Variants in SIK3 observed in about 807,000 individuals in gnomAD.
The protein encoded by SIK3 is SIK family kinase 3.
In SIK3, 28 loss-of-function variants were observed where a neutral mutation model predicts 144.2. The ratio of observed to expected loss-of-function variants is 0.19; its 90% CI spans 0.14 to 0.27. The LOEUF is 0.27. SIK3 is among the 10% of genes least tolerant of loss of function. The pLI is 1.00. For synonymous variants in SIK3, 686 were observed against 676.3 expected, an observed-to-expected ratio of 1.01 and a Z score of -0.22; for missense variants, 1,319 against 1,776.0, an observed-to-expected ratio of 0.74 and a Z score of 4.62.
rs1329853347 is a variant in SIK3 at position 116,861,820 on chromosome 11, AC to A, written c.2315+20del. On this transcript the variant is annotated intron_variant, in intron 18 of 24. Coordinates refer to ENST00000445177, the MANE Select transcript of SIK3 (RefSeq NM_001366686.3). ...AGGCTATCGAGACAATGGCTTAGGC[AC>A]AACACAAAATGACTCATACCTCTGG... 1 of 1,557,870 alleles carries A rather than the reference AC, an allele frequency of 6.4e-7. No homozygotes were observed. The highest frequency in any genetic ancestry group is 2.2e-5 in the East Asian group (1 of 44,572).
At chr11:116,883,697 C>T (rs1184788069) in intron 6 of SIK3, among the ~76,000 whole-genome samples, 1 of 152,124 alleles carries the variant, frequency 6.6e-6, no homozygotes, top group Non-Finnish European at 1.5e-5. Flanking sequence ...ACTCTGGGAG[C>T]CCGAGACAGG....
chr11:117,015,674 A>C (rs1565558447), intron 1 of SIK3, among the ~76,000 whole-genome samples: 2 of 152,038 alleles, frequency 1.3e-5, no homozygotes, highest in Non-Finnish European at 2.9e-5. Flanking sequence ...TCCTGGGTTC[A>C]AGTGATTCTC....
chr11:116,964,678 C>T (rs774746339), intron 1 of SIK3, among the ~76,000 whole-genome samples: 3 of 152,110 alleles, frequency 2.0e-5, no homozygotes, highest in African/African-American at 7.2e-5. Context: ...GTCAGGAGCT[C>T]GAGACCAGCC....
At chr11:117,034,658 C>A (rs1229192649) in intron 1 of SIK3, among the ~76,000 whole-genome samples, 1 of 152,104 alleles carries the variant, frequency 6.6e-6, no homozygotes, top group African/African-American at 2.4e-5. Flanking sequence ...CACAGACAAG[C>A]AAGAGATGTT....
chr11:116,983,764 C>G (rs576224702), intron 1 of SIK3, among the ~76,000 whole-genome samples: 2 of 152,108 alleles, frequency 1.3e-5, no homozygotes, highest in East Asian at 1.9e-4. Flanking sequence ...TGGTCTAGAA[C>G]TGAACCACAA....
intron 6 of SIK3, among the ~76,000 whole-genome samples, chr11:116,881,771 T>C (rs532867477): frequency 2.0e-5 from 3 of 152,204 alleles, no homozygotes; most frequent in African/African-American, 7.2e-5. Flanking sequence ...CATTCAACAA[T>C]ATTATTTAAT....
At chr11:117,068,688 A>C (rs894581242) in intron 1 of SIK3, among the ~76,000 whole-genome samples, 2 of 152,206 alleles carry the variant, frequency 1.3e-5, no homozygotes, top group African/African-American at 4.8e-5. Flanking sequence ...CAAGCGGTTG[A>C]GGCCACAGTG....
At chr11:116,956,324 C>G (rs1404051573) in intron 2 of SIK3, among the ~76,000 whole-genome samples, 1 of 147,806 alleles carries the variant, frequency 6.8e-6, no homozygotes, top group Non-Finnish European at 1.5e-5. Flanking sequence ...ATGCATGTTT[C>G]TTGGGAAGAC....
intron 1 of SIK3, among the ~76,000 whole-genome samples, chr11:117,094,194 C>A (rs769913422): frequency 3.9e-5 from 6 of 152,124 alleles, no homozygotes; most frequent in Non-Finnish European, 8.8e-5. Context: ...GTTGCTTTAT[C>A]CAAAGCTGGA....
At chr11:117,097,537 G>A (rs1955529163) in intron 1 of SIK3, among the ~76,000 whole-genome samples, 1 of 145,448 alleles carries the variant, frequency 6.9e-6, no homozygotes, top group African/African-American at 2.6e-5. Flanking sequence ...TCCACTAATC[G>A]TGTCTCCTCG....
chr11:117,020,100 C>T (rs1012790195), intron 1 of SIK3, among the ~76,000 whole-genome samples: 12 of 151,838 alleles, frequency 7.9e-5, no homozygotes, highest in African/African-American at 2.7e-4. Context: ...CGGGGTTTGA[C>T]GAATGAGCCA....
intron 1 of SIK3, among the ~76,000 whole-genome samples, chr11:117,074,124 A>G (rs1225437218): frequency 6.6e-6 from 1 of 151,996 alleles, no homozygotes; most frequent in Non-Finnish European, 1.5e-5. Flanking sequence ...CAGAACTACC[A>G]CTCTTTGGCT....
At chr11:116,947,100 G>A (rs1948631633) in intron 3 of SIK3, among the ~76,000 whole-genome samples, 1 of 14,770 alleles carries the variant, frequency 6.8e-5, no homozygotes, top group Non-Finnish European at 1.8e-4. Context: ...CACAGAGTGA[G>A]ACTTCGTCTC....
At chr11:116,866,398 TA>T (rs1331255091) in intron 15 of SIK3, among the ~76,000 whole-genome samples, 1 of 151,196 alleles carries the variant, frequency 6.6e-6, no homozygotes, top group Non-Finnish European at 1.5e-5. Flanking sequence ...AGGAAACGTA[TA>T]GGGGAGGAGA....
rs372151833 is a variant in SIK3, at chr11:116,858,387, C to T, written c.3078G>A (p.Ser1026=). 1.9e-5 allele frequency: 31 copies of T among 1,613,232 alleles called. No homozygotes were observed. The African/African-American group carries it at 2.7e-4, about 14-fold the overall frequency. Residue 1026 remains serine, a synonymous_variant, in exon 21 of 25, where the codon TCG becomes TCA. Coordinates refer to ENST00000445177, the MANE Select transcript of SIK3 (RefSeq NM_001366686.3). This position sits in a 1 kb window ranked among gnomAD's most constrained non-coding sequence, Gnocchi z 5.4. ...ILQGLLSPRH[S]LTGHSDIRLP... ...GCCGGATGTCCGAGTGGCCGGTGAG[C>T]GAATGCCGGGGAGAAAGCAGTCCTT...
In SIK3 at chr11:116,978,027, G is replaced by A. The variant is rs141566189; in HGVS notation, c.274-20963C>T. Among the ~76,000 whole-genome samples the A allele has an allele frequency of 4.6e-5, 7 of 152,256 alleles. 1 individual carries two copies. Among genetic ancestry groups the A allele is most frequent in the African/African-American group, 1.4e-4 (6 of 41,538 alleles). ...AGGTCAGGAGATCGAGACCGTCCTGGCTAACACGGTGAAACCCCATCTCTA... is the reference window on the plus strand; with the variant it reads ...AGGTCAGGAGATCGAGACCGTCCTGACTAACACGGTGAAACCCCATCTCTA... On this transcript the variant is annotated intron_variant, in intron 1 of 24. Transcript: ENST00000445177.
rs1220228343 is a variant in SIK3, at chr11:116,844,592, A to ATG, written c.*1050_*1051insCA. On this transcript the variant is annotated 3_prime_UTR_variant, in exon 25 of 25. Coordinates refer to ENST00000445177, the MANE Select transcript of SIK3 (RefSeq NM_001366686.3). ...CTGAAAGAGGAGAGCATATATATAT[A>ATG]TATTTTATATATATATTATATATAT... 1 of 97,728 alleles carries ATG rather than the reference A, an allele frequency of 1.0e-5. No homozygotes were observed. The highest frequency in any genetic ancestry group is 2.2e-4 in the East Asian group (1 of 4,606). 6.1% of individuals were successfully genotyped at this position (97,728 alleles called of 1,614,324 possible). A position where few individuals can be genotyped will look rare whatever the true frequency, so the allele number is the denominator to read the frequency against.
At chr11:116,929,528 T>C (rs768513580) in intron 3 of SIK3, among the ~76,000 whole-genome samples, 19 of 152,232 alleles carry the variant, frequency 1.2e-4, no homozygotes, top group Non-Finnish European at 2.4e-4. Context: ...CCTAAAGTGA[T>C]TGGAAAGTTC....
intron 1 of SIK3, among the ~76,000 whole-genome samples, chr11:116,962,330 C>T (rs947672069): frequency 2.6e-5 from 4 of 152,230 alleles, no homozygotes; most frequent in East Asian, 1.9e-4. Context: ...TCTTCCAAGA[C>T]GAGAAAGAGG....
Sources: gnomAD v4.1 joint callset for allele counts (sites outside exome capture counted in the v4.1 genomes callset) on GRCh38, gnomAD v4.1.1 for gene constraint, Gnocchi (gnomAD v3.1) non-coding constraint, MANE v1.5 for transcripts, NCBI Gene and HGNC (gene_info 2026-07-23, HGNC 2026-07-21) for gene names.